PTPRK: variants seen among roughly 807,000 people sequenced by gnomAD.
PTPRK encodes the protein protein tyrosine phosphatase receptor type K.
Under a neutral mutation model 178.0 loss-of-function variants are expected in PTPRK, and 75 were observed. The ratio of observed to expected loss-of-function variants is 0.42; its 90% CI spans 0.35 to 0.51. The LOEUF (loss-of-function observed/expected upper bound fraction) is 0.51, where lower values mean the gene tolerates loss of function less well. Ranked by LOEUF, PTPRK falls within the 20% of genes least tolerant of loss-of-function variation. The pLI is 0.02. For synonymous variants in PTPRK, 637 were observed against 620.6 expected (o/e 1.03, Z -0.39); for missense variants, 1,441 against 1,797.8 (o/e 0.80, Z 3.59).
Position 128,241,551 on chromosome 6 carries a change from C to A in PTPRK, c.577+970G>T, listed in dbSNP as rs572544050. On this transcript the variant is annotated intron_variant, in intron 4 of 29. Transcript: ENST00000368226. Reference sequence around the variant, plus strand: ...TCAGGGAGGATTGCTGAACAGATAACCCAGAATTCACGGGCCCTATAAAAT... The same window carrying A: ...TCAGGGAGGATTGCTGAACAGATAAACCAGAATTCACGGGCCCTATAAAAT... Among the ~76,000 whole-genome samples, 980 of 152,286 alleles carry A rather than the reference C, an allele frequency of 6.4e-3. 4 individuals are homozygous for A. The highest frequency in any genetic ancestry group is 0.011 in the Non-Finnish European group (773 of 68,020).
chr6:128,477,793 G>A (rs1292882642), intron 1 of PTPRK, among the ~76,000 whole-genome samples: 2 of 152,016 alleles, frequency 1.3e-5, no homozygotes, highest in East Asian at 3.9e-4. Context: ...TTTTTTATTA[G>A]TAAAAACCCA....
At chr6:128,018,486 G>A (rs1021205664) in intron 13 of PTPRK, among the ~76,000 whole-genome samples, 4 of 151,518 alleles carry the variant, frequency 2.6e-5, no homozygotes, top group Admixed American at 2.0e-4. Flanking sequence ...TTCTTGTCAG[G>A]TGGCCTTAAT....
Position 128,145,967 on chromosome 6 carries a change from C to T in PTPRK, c.1162+38465G>A, listed in dbSNP as rs148628873. ...AGCAGCTATATTCTGGAAAATGCTT[C>T]TTCCTCCATTTGGTTTGATGGCAGC... On this transcript the variant is annotated intron_variant, in intron 7 of 29. Transcript: ENST00000368226. 3.9e-3 allele frequency among the ~76,000 whole-genome samples: 591 copies of T among 152,306 alleles called. 5 individuals are homozygous for T. Among genetic ancestry groups the T allele is most frequent in the African/African-American group, 0.013 (546 of 41,562 alleles).
At chr6:128,121,428 T>TTGTG (rs145664979) in intron 7 of PTPRK, among the ~76,000 whole-genome samples, 4 of 151,206 alleles carry the variant, frequency 2.6e-5, no homozygotes, top group African/African-American at 9.7e-5. Context: ...ATGATGTAAT[T>TTGTG]TGTGTGTGTG....
At chr6:127,973,611 G>A in intron 28 of PTPRK, 53 bp downstream of exon 28, 1 of 1,590,856 alleles carries the variant, frequency 6.3e-7, no homozygotes, top group Non-Finnish European at 8.6e-7. Context: ...CATTGAAAAT[G>A]AGAAAATAAG....
intron 13 of PTPRK, among the ~76,000 whole-genome samples, chr6:128,057,580 A>G (rs577323173): frequency 5.6e-4 from 85 of 152,310 alleles, no homozygotes; most frequent in Admixed American, 2.0e-3. Context: ...TGCTGTCCCA[A>G]TTCCATCCTG....
chr6:128,370,550 T>A (rs781006080), intron 2 of PTPRK, among the ~76,000 whole-genome samples: 16 of 152,188 alleles, frequency 1.1e-4, no homozygotes, highest in Non-Finnish European at 1.9e-4. Flanking sequence ...CATCTTAGCT[T>A]TTTTTACTTT....
At chr6:128,091,542 G>A (rs1786950193) in intron 7 of PTPRK, among the ~76,000 whole-genome samples, 1 of 152,052 alleles carries the variant, frequency 6.6e-6, no homozygotes, top group South Asian at 2.1e-4. Flanking sequence ...GATACTGTTT[G>A]GTAGCCATGG....
chr6:128,177,342 G>A (rs1801222521), intron 7 of PTPRK, among the ~76,000 whole-genome samples: 1 of 151,284 alleles, frequency 6.6e-6, no homozygotes, highest in Non-Finnish European at 1.5e-5. Context: ...AGGACTTGAG[G>A]GGAAAGAACA....
chr6:128,496,951 T>C (rs993335000), intron 1 of PTPRK, among the ~76,000 whole-genome samples: 1 of 152,226 alleles, frequency 6.6e-6, no homozygotes, highest in East Asian at 1.9e-4. Context: ...CAAGTTGTTC[T>C]GGAATCAGTA....
At chr6:128,084,103 T>C (rs961552088) in intron 8 of PTPRK, among the ~76,000 whole-genome samples, 4 of 152,252 alleles carry the variant, frequency 2.6e-5, no homozygotes, top group African/African-American at 9.6e-5. Context: ...GATGCATAAA[T>C]TATGTAGTCT....
At chr6:128,406,160 G>A (rs77782868) in intron 1 of PTPRK, among the ~76,000 whole-genome samples, 6,959 of 151,952 alleles carry the variant, frequency 0.046, 568 homozygotes, top group African/African-American at 0.16. Flanking sequence ...CTACCCGAGA[G>A]GCTGATTACT....
At chr6:128,084,699 C>T (rs1299564394) in intron 8 of PTPRK, among the ~76,000 whole-genome samples, 4 of 152,152 alleles carry the variant, frequency 2.6e-5, no homozygotes, top group East Asian at 1.9e-4. Context: ...CTTTCGCTAT[C>T]GTGTATTTTC....
intron 1 of PTPRK, among the ~76,000 whole-genome samples, chr6:128,450,681 T>G (rs1369619057): frequency 6.6e-6 from 1 of 152,196 alleles, no homozygotes; most frequent in East Asian, 1.9e-4. Flanking sequence ...GGCAACAAAT[T>G]TTACTGGCAG....
intron 3 of PTPRK, among the ~76,000 whole-genome samples, chr6:128,270,833 T>C (rs1457564375): frequency 1.3e-5 from 2 of 152,100 alleles, no homozygotes; most frequent in East Asian, 1.9e-4. Flanking sequence ...AGACCAAGCA[T>C]ACTATTTGGT....
chr6:128,320,858 G>A (rs1538498), intron 3 of PTPRK, among the ~76,000 whole-genome samples: 127,612 of 152,056 alleles, frequency 0.84, 55,135 homozygotes, highest in East Asian at 0.99. Context: ...TGAAAAAGCA[G>A]ATGGCTCTCT....
At chr6:128,440,912 T>C (rs1846202926) in intron 1 of PTPRK, among the ~76,000 whole-genome samples, 1 of 152,126 alleles carries the variant, frequency 6.6e-6, no homozygotes, top group African/African-American at 2.4e-5. Context: ...CGTAGACATT[T>C]TGAATAAATT....
chr6:128,217,635 A>G (rs904751995), intron 6 of PTPRK, among the ~76,000 whole-genome samples: 5 of 152,224 alleles, frequency 3.3e-5, no homozygotes, highest in African/African-American at 1.2e-4. Flanking sequence ...AAGATATTTG[A>G]TGCCAAGCAT....
At chr6:127,985,269 T>A (rs771143114) in intron 22 of PTPRK, among the ~76,000 whole-genome samples, 48 of 152,156 alleles carry the variant, frequency 3.2e-4, no homozygotes, top group Non-Finnish European at 5.3e-4. Context: ...TTAAAAAAAA[T>A]TTTTAAATAG....
Sources: gnomAD v4.1 joint callset for allele counts (sites outside exome capture counted in the v4.1 genomes callset) on GRCh38, gnomAD v4.1.1 for gene constraint, MANE v1.5 for transcripts, NCBI Gene and HGNC (gene_info 2026-07-23, HGNC 2026-07-21) for gene names.